ARIH1: variants seen among roughly 807,000 people sequenced by gnomAD.
ARIH1 encodes the protein ariadne RBR E3 ubiquitin protein ligase 1.
In ARIH1, 8 loss-of-function variants were observed where a neutral mutation model predicts 85.0. The observed-to-expected ratio is 0.09, with a 90% CI of 0.06 to 0.17. The LOEUF (loss-of-function observed/expected upper bound fraction) is 0.17. ARIH1 is among the 10% of genes least tolerant of loss of function. ARIH1 has a pLI of 1.00. For missense variants in ARIH1, 311 were observed against 718.1 expected (o/e 0.43, Z 6.48); for synonymous variants, 238 against 253.6 (o/e 0.94, Z 0.59).
At chr15:72,517,461 G>C (rs1003914320) in intron 1 of ARIH1, among the ~76,000 whole-genome samples, 6 of 151,382 alleles carry the variant, frequency 4.0e-5, no homozygotes, top group Non-Finnish European at 7.4e-5. Flanking sequence ...GTCTTGCCCT[G>C]TTGCCCAGGC....
intron 1 of ARIH1, among the ~76,000 whole-genome samples, chr15:72,499,075 G>T (rs1339547831): frequency 7.0e-6 from 1 of 143,406 alleles, no homozygotes; most frequent in Non-Finnish European, 1.5e-5. Flanking sequence ...CTGCCTCCCG[G>T]GTTCAAGCCA....
At chr15:72,518,004 G>A in intron 1 of ARIH1, 63 bp from the exon 2 acceptor site, 1 of 1,257,918 alleles carries the variant, frequency 7.9e-7, no homozygotes, top group South Asian at 1.3e-5. Flanking sequence ...CAACCTAGGA[G>A]TTCACTAAAT....
At position 72,591,458 on chromosome 15, in the gene ARIH1, C is replaced by G. The variant is rs1041094634; in HGVS notation, c.*8166C>G. 6.6e-6 allele frequency: 1 copy of G among 152,168 alleles called. No homozygotes were observed. The highest frequency in any genetic ancestry group is 1.5e-5 in the Non-Finnish European group (1 of 68,058). 9.4% of individuals were successfully genotyped at this position (152,168 alleles called of 1,614,324 possible). On this transcript the variant is annotated 3_prime_UTR_variant, in exon 14 of 14. Transcript: ENST00000379887. ...AATCTGAGGCTTATGCAGTGAGGCTCTAGCTCTCTGGAGTCAGTTGGTCAA... is the reference window on the plus strand; with the variant it reads ...AATCTGAGGCTTATGCAGTGAGGCTGTAGCTCTCTGGAGTCAGTTGGTCAA...
chr15:72,556,487 T>C (rs1316638128), intron 5 of ARIH1, among the ~76,000 whole-genome samples: 1 of 152,252 alleles, frequency 6.6e-6, no homozygotes, highest in East Asian at 1.9e-4. Flanking sequence ...TCATGGTCTT[T>C]GCTGAAACAC....
At chr15:72,541,272 CCTCAGCTTCTCTCCCGACA>C (rs1479242595) in intron 2 of ARIH1, among the ~76,000 whole-genome samples, 6 of 152,200 alleles carry the variant, frequency 3.9e-5, no homozygotes, top group African/African-American at 1.4e-4. Flanking sequence ...GCAAGCCCTG[CCTCAGCTTCTCTCCCGACA>C]CTCAGCTTTT....
rs767633154 is a variant in ARIH1, at chr15:72,474,894, CGGTGGT to C, written c.261_266del (p.Gly89_Gly90del). On this transcript the variant is annotated inframe_deletion, in exon 1 of 14. Transcript: ENST00000379887. Reference sequence around the variant, plus strand: ...GCGGTGGCGGCGGCGGCGGCGGCGGCGGTGGTGGTGGCGGGCCGGGGCATGAGCAGG... The same window carrying C: ...GCGGTGGCGGCGGCGGCGGCGGCGGCGGTGGCGGGCCGGGGCATGAGCAGG... 10 of 1,397,844 alleles carry C rather than the reference CGGTGGT, an allele frequency of 7.2e-6. No individual in the cohort carries two copies. The Admixed American group carries it at 1.4e-4, about 19-fold the overall frequency. 86.6% of individuals were successfully genotyped at this position (1,397,844 alleles called of 1,614,324 possible).
chr15:72,475,365 TGGA>T (rs1346720577), intron 1 of ARIH1, among the ~76,000 whole-genome samples: 5 of 151,898 alleles, frequency 3.3e-5, no homozygotes, highest in African/African-American at 1.2e-4. Flanking sequence ...GGAGGTGGGG[TGGA>T]GAAGAGGAGT....
chr15:72,541,767 A>G (rs958471564), intron 2 of ARIH1, among the ~76,000 whole-genome samples: 1 of 152,248 alleles, frequency 6.6e-6, no homozygotes, highest in Admixed American at 6.5e-5. Context: ...CTCTTTAAGA[A>G]GAAACTAAGT....
chr15:72,484,339 AT>A (rs749674411), intron 1 of ARIH1, among the ~76,000 whole-genome samples: 7 of 151,984 alleles, frequency 4.6e-5, no homozygotes, highest in Admixed American at 1.3e-4. Context: ...TTTAGTGGTG[AT>A]TTGTGAGATT....
chr15:72,573,108 A>G (rs1481545569), intron 11 of ARIH1, among the ~76,000 whole-genome samples: 1 of 152,254 alleles, frequency 6.6e-6, no homozygotes, highest in Non-Finnish European at 1.5e-5. Context: ...TAGCCAGGGT[A>G]CAATCTAAAA....
At chr15:72,567,008 G>A in intron 8 of ARIH1, 98 bp from the exon 9 acceptor site, 1 of 842,356 alleles carries the variant, frequency 1.2e-6, no homozygotes, top group East Asian at 2.6e-5. Context: ...CTTATTCATT[G>A]GCTTTTACAT....
Position 72,549,086 on chromosome 15 carries a change from CTCTT to C in ARIH1, c.588+4124_588+4127del, listed in dbSNP as rs1248628312. Among the ~76,000 whole-genome samples, 9 of 148,190 alleles carry C rather than the reference CTCTT, an allele frequency of 6.1e-5. No individual in the cohort carries two copies. The Admixed American group carries it at 6.1e-4, about 10-fold the overall frequency. Reference sequence around the variant, plus strand: ...AGCTTCGACTACAGCGTCTCTCTCTCTCTTTTTTTTTTTTTTTTTGAGGCAGAGC... The same window carrying C: ...AGCTTCGACTACAGCGTCTCTCTCTCTTTTTTTTTTTTTTTGAGGCAGAGC... On this transcript the variant is annotated intron_variant, in intron 3 of 13. Transcript: ENST00000379887.
rs1221365195 is a variant in ARIH1 at position 72,588,361 on chromosome 15, G to C, written c.*5069G>C. On this transcript the variant is annotated 3_prime_UTR_variant, in exon 14 of 14. Coordinates refer to ENST00000379887, the MANE Select transcript of ARIH1 (RefSeq NM_005744.5). ...AGACCAGTGATACTTAAACTTGACTGCGAATTGGAATCACTGAGAAGCTTT... is the reference window on the plus strand; with the variant it reads ...AGACCAGTGATACTTAAACTTGACTCCGAATTGGAATCACTGAGAAGCTTT... The C allele has an allele frequency of 6.6e-6, 1 of 152,118 alleles. No homozygotes were observed. Among genetic ancestry groups the C allele is most frequent in the African/African-American group, 2.4e-5 (1 of 41,412 alleles). The allele number at this position is 152,118 out of a possible 1,614,324, so 9.4% of individuals were successfully genotyped here.
In ARIH1 at chr15:72,506,832, A is replaced by C. The variant is rs557625039; in HGVS notation, c.376-11235A>C. 2.6e-5 allele frequency among the ~76,000 whole-genome samples: 4 copies of C among 152,062 alleles called. No individual in the cohort carries two copies. In the South Asian group the frequency reaches 8.3e-4, roughly 32 times the overall value. ...CTGTGTATGTAAACTGGAATAAAAAAGTGGTTTTTTTTTGTTTTTTTTGTT... is the reference window on the plus strand; with the variant it reads ...CTGTGTATGTAAACTGGAATAAAAACGTGGTTTTTTTTTGTTTTTTTTGTT... On this transcript the variant is annotated intron_variant, in intron 1 of 13. Transcript: ENST00000379887.
rs913648191 is a variant in ARIH1, at chr15:72,519,586, C to T, written c.443+1452C>T. Among the ~76,000 whole-genome samples, 9 of 145,128 alleles carry T rather than the reference C, an allele frequency of 6.2e-5. No homozygotes were observed. In the South Asian group the frequency reaches 8.9e-4, roughly 14 times the overall value. On this transcript the variant is annotated intron_variant, in intron 2 of 13. Transcript: ENST00000379887. Reference sequence around the variant, plus strand: ...GCAACCTCCACCTCCTGGGTTCAAGCGATTCTCCTGTCTCAGCCTCCCAAG... The same window carrying T: ...GCAACCTCCACCTCCTGGGTTCAAGTGATTCTCCTGTCTCAGCCTCCCAAG...
chr15:72,554,709 T>A (rs1241301242), intron 3 of ARIH1, among the ~76,000 whole-genome samples: 2 of 152,104 alleles, frequency 1.3e-5, no homozygotes, highest in Non-Finnish European at 2.9e-5. Context: ...TTATTATAGC[T>A]GTTCTAGTGA....
intron 3 of ARIH1, among the ~76,000 whole-genome samples, chr15:72,553,071 G>A (rs898495764): frequency 6.6e-6 from 1 of 151,996 alleles, no homozygotes; most frequent in Non-Finnish European, 1.5e-5. Flanking sequence ...CACCGCACCC[G>A]GCCTAGGGAG....
rs1416779183 is a variant in ARIH1 at position 72,596,176 on chromosome 15, C to G, written c.*12884C>G. On this transcript the variant is annotated 3_prime_UTR_variant, in exon 14 of 14. Coordinates refer to ENST00000379887, the MANE Select transcript of ARIH1 (RefSeq NM_005744.5). ...AGAGATGAGTTCTCTCAGCTTTTGT[C>G]TATAAGAGAATGTCCTTACTTTTAT... 6.6e-6 allele frequency: 1 copy of G among 152,108 alleles called. No homozygotes were observed. The highest frequency in any genetic ancestry group is 1.5e-5 in the Non-Finnish European group (1 of 68,018). 9.4% of individuals were successfully genotyped at this position (152,108 alleles called of 1,614,324 possible).
chr15:72,492,956 C>T (rs1055710817), intron 1 of ARIH1, among the ~76,000 whole-genome samples: 1 of 152,140 alleles, frequency 6.6e-6, no homozygotes, highest in Non-Finnish European at 1.5e-5. Flanking sequence ...GTTTTTGATT[C>T]ATGTAGAGTC....
Sources: allele counts gnomAD v4.1 joint callset (sites outside exome capture counted in the v4.1 genomes callset), GRCh38; gene constraint gnomAD v4.1.1; transcripts MANE v1.5; gene names NCBI Gene and HGNC (gene_info 2026-07-23, HGNC 2026-07-21).